The following SPEF2 variants were observed in gnomAD, a reference collection of about 807,000 sequenced individuals.
The protein encoded by SPEF2 is sperm flagellar and cilia associated 2.
SPEF2 carries 187 observed loss-of-function variants against 224.6 expected under a neutral mutation model. That is an observed-to-expected ratio of 0.83 (90% CI 0.74 to 0.94). SPEF2 has a LOEUF of 0.94. Ranked by LOEUF, SPEF2 falls within the 40% of genes least tolerant of loss-of-function variation. SPEF2 has a pLI of 0.00. For missense variants in SPEF2, 2,170 were observed against 2,135.6 expected (o/e 1.02, Z -0.32); for synonymous variants, 715 against 707.3 (o/e 1.01, Z -0.17).
chr5:35,642,927 T>C (rs1231209335), intron 3 of SPEF2, among the ~76,000 whole-genome samples: 1 of 152,138 alleles, frequency 6.6e-6, no homozygotes, highest in Non-Finnish European at 1.5e-5. Context: ...TAATTTATTA[T>C]TGCATTCGGC....
At chr5:35,650,403 G>A (rs1748015249) in intron 6 of SPEF2, among the ~76,000 whole-genome samples, 2 of 152,080 alleles carry the variant, frequency 1.3e-5, no homozygotes, top group African/African-American at 4.8e-5. Context: ...CATCCATGCA[G>A]CCACCACTTG....
intron 2 of SPEF2, among the ~76,000 whole-genome samples, chr5:35,633,758 T>C (rs1745450780): frequency 6.6e-6 from 1 of 152,060 alleles, no homozygotes. Flanking sequence ...CCTTATTGTT[T>C]CTTTTACTGT....
intron 1 of SPEF2, among the ~76,000 whole-genome samples, chr5:35,627,807 A>G (rs73078252): frequency 0.014 from 2,131 of 152,280 alleles, 50 homozygotes; most frequent in African/African-American, 0.049. Context: ...GCCCAACGTC[A>G]CACAGCTAGT....
chr5:35,771,562 AT>A (rs768219281), intron 26 of SPEF2, 46 bp from the exon 27 acceptor site: 2 of 1,576,262 alleles, frequency 1.3e-6, no homozygotes, highest in East Asian at 4.5e-5. Flanking sequence ...TGGTTGCCAT[AT>A]TTTGTAAATG....
intron 18 of SPEF2, among the ~76,000 whole-genome samples, chr5:35,708,671 C>T (rs1340743247): frequency 2.0e-5 from 3 of 149,790 alleles, no homozygotes; most frequent in Non-Finnish European, 3.0e-5. Flanking sequence ...ACCACCAGCA[C>T]CATCACCACC....
chr5:35,768,948 T>G (rs1365965628), intron 26 of SPEF2, among the ~76,000 whole-genome samples: 1 of 152,156 alleles, frequency 6.6e-6, no homozygotes, highest in Admixed American at 6.6e-5. Flanking sequence ...TTGGCAAAAC[T>G]TTCTTCTAAT....
At chr5:35,625,408 T>A (rs148400522) in intron 1 of SPEF2, among the ~76,000 whole-genome samples, 1 of 152,310 alleles carries the variant, frequency 6.6e-6, no homozygotes, top group Non-Finnish European at 1.5e-5. Flanking sequence ...ACACTGAAGA[T>A]GAAGGAAACG....
chr5:35,814,295 T>C (rs954461628), intron 36 of SPEF2, among the ~76,000 whole-genome samples, 169 bp from the exon 37 acceptor site: 3 of 152,280 alleles, frequency 2.0e-5, no homozygotes, highest in Non-Finnish European at 4.4e-5. Context: ...GTAGTAAGTC[T>C]CAGGGTGGGA....
At chr5:35,796,455 C>CA (rs57602819) in intron 33 of SPEF2, among the ~76,000 whole-genome samples, 146,824 of 151,892 alleles carry the variant, frequency 0.97, 71,013 homozygotes, top group East Asian at 1. Flanking sequence ...ACTAAAAATA[C>CA]AAAAAAATTA....
At position 35,628,554 on chromosome 5, in the gene SPEF2, G is replaced by A. The variant is rs1303511958; in HGVS notation, c.153G>A (p.Leu51=). The part of the protein sequence containing the change: ...FELQDDFSEF[L]DSRVSSAKLN... ...TTCAGGATGATTTTTCAGAATTTTT[G>A]GACAGCAGGTTAGTGAGATTATTCC... The change falls in exon 2 of 37, where the codon TTG becomes TTA. Residue 51 remains leucine, a synonymous_variant. Coordinates refer to ENST00000356031, the MANE Select transcript of SPEF2 (RefSeq NM_024867.4). 1 of 1,606,730 alleles carries A rather than the reference G, an allele frequency of 6.2e-7. No individual in the cohort carries two copies. Among genetic ancestry groups the A allele is most frequent in the Non-Finnish European group, 8.5e-7 (1 of 1,173,614 alleles).
intron 23 of SPEF2, among the ~76,000 whole-genome samples, chr5:35,751,001 A>ATGTG (rs1749348746): frequency 1.1e-5 from 1 of 91,584 alleles, no homozygotes; most frequent in African/African-American, 3.7e-5. Flanking sequence ...ATATATGTAT[A>ATGTG]TATATATATA....
chr5:35,723,088 G>GA (rs1164302862), intron 20 of SPEF2, among the ~76,000 whole-genome samples: 3 of 152,014 alleles, frequency 2.0e-5, no homozygotes, highest in Non-Finnish European at 4.4e-5. Context: ...TTCCACACAG[G>GA]AAAAAGAGGG....
intron 26 of SPEF2, among the ~76,000 whole-genome samples, chr5:35,771,103 G>C (rs947172697): frequency 6.6e-6 from 1 of 151,550 alleles, no homozygotes; most frequent in Non-Finnish European, 1.5e-5. Flanking sequence ...TATACACCCA[G>C]AACATAAACA....
intron 36 of SPEF2, among the ~76,000 whole-genome samples, chr5:35,811,427 GA>G (rs1376001998): frequency 1.3e-5 from 2 of 152,084 alleles, no homozygotes; most frequent in Non-Finnish European, 2.9e-5. Context: ...ATACATATTT[GA>G]AAAAAATAAG....
intron 29 of SPEF2, 64 bp from the exon 30 acceptor site, chr5:35,779,053 G>A (rs1386112952): frequency 1.6e-6 from 2 of 1,274,650 alleles, no homozygotes; most frequent in Non-Finnish European, 2.2e-6. Context: ...TGTCTTATAA[G>A]CAAACTTTAT....
At position 35,728,968 on chromosome 5, in the gene SPEF2, A is replaced by G. The variant is rs916927192; in HGVS notation, c.3063+1145A>G. ...TAAAATTAAAATGATACAATATGGT[A>G]AGTGATGGGGAATGTGGGGCAAAAA... On this transcript the variant is annotated intron_variant, in intron 21 of 36. Transcript: ENST00000356031. 4.9e-4 allele frequency among the ~76,000 whole-genome samples: 75 copies of G among 152,142 alleles called. 4 individuals carry two copies. The highest frequency in any genetic ancestry group is 2.9e-5 in the Non-Finnish European group (2 of 68,044).
At position 35,805,412 on chromosome 5, in the gene SPEF2, T is replaced by C. The variant is rs570349668; in HGVS notation, c.5011-1295T>C. 3.9e-5 allele frequency among the ~76,000 whole-genome samples: 6 copies of C among 152,314 alleles called. No homozygotes were observed. The South Asian group carries it at 1.2e-3, about 32-fold the overall frequency. ...AATCCTTCCATACATGAGATTTACATGACTATTTAGAAAGAGGTTGCACAA... is the reference window on the plus strand; with the variant it reads ...AATCCTTCCATACATGAGATTTACACGACTATTTAGAAAGAGGTTGCACAA... On this transcript the variant is annotated intron_variant, in intron 34 of 36. Transcript: ENST00000356031.
intron 15 of SPEF2, chr5:35,700,223 T>C (rs2149560408): frequency 2.5e-6 from 1 of 400,842 alleles, no homozygotes; most frequent in African/African-American, 2.0e-5. Flanking sequence ...ATCAGCAGCA[T>C]GGAAAGGGAC....
intron 10 of SPEF2, among the ~76,000 whole-genome samples, chr5:35,683,054 TTC>T (rs1287153463): frequency 5.3e-5 from 8 of 152,244 alleles, no homozygotes; most frequent in Admixed American, 3.3e-4. Context: ...TTAGCCATGA[TTC>T]ATAACAAGGA....
Sources: gnomAD v4.1 joint callset for allele counts (sites outside exome capture counted in the v4.1 genomes callset) on GRCh38, gnomAD v4.1.1 for gene constraint, MANE v1.5 for transcripts, NCBI Gene and HGNC (gene_info 2026-07-23, HGNC 2026-07-21) for gene names.